Variants in TNFRSF1B observed in about 807,000 individuals in gnomAD.
TNFRSF1B encodes the protein tumor necrosis factor receptor superfamily member 1B.
TNFRSF1B carries 19 observed loss-of-function variants against 44.6 expected under a neutral mutation model. The ratio of observed to expected loss-of-function variants is 0.43; its 90% CI spans 0.30 to 0.62. The LOEUF is 0.62. Ranked by LOEUF, TNFRSF1B falls within the 20% of genes least tolerant of loss-of-function variation. TNFRSF1B has a pLI of 0.16. For missense variants in TNFRSF1B, 541 were observed against 619.9 expected (o/e 0.87, Z 1.35); for synonymous variants, 252 against 261.1 (o/e 0.97, Z 0.34).
At chr1:12,195,689 T>C (rs966780446) in intron 8 of TNFRSF1B, among the ~76,000 whole-genome samples, 2 of 152,032 alleles carry the variant, frequency 1.3e-5, no homozygotes, top group Non-Finnish European at 2.9e-5. Context: ...CCAGCCTCTA[T>C]GGAGGAGGAG....
At chr1:12,173,830 CT>C (rs1295701224) in intron 1 of TNFRSF1B, among the ~76,000 whole-genome samples, 1 of 152,224 alleles carries the variant, frequency 6.6e-6, no homozygotes, top group Non-Finnish European at 1.5e-5. Context: ...ACCCACCTCT[CT>C]GGGACCCACA....
intron 8 of TNFRSF1B, among the ~76,000 whole-genome samples, 161 bp downstream of exon 8, chr1:12,194,779 C>G (rs922942677): frequency 6.6e-6 from 1 of 152,208 alleles, no homozygotes; most frequent in Non-Finnish European, 1.5e-5. Context: ...TCAGGCAGCC[C>G]TCCATGGGCT....
intron 5 of TNFRSF1B, 94 bp from the exon 6 acceptor site, chr1:12,192,769 C>T (rs1041528790): frequency 9.7e-6 from 11 of 1,139,422 alleles, no homozygotes; most frequent in Non-Finnish European, 3.8e-6. Context: ...CATCGTCACT[C>T]TCCTATCCTG....
intron 1 of TNFRSF1B, 22 bp downstream of exon 1, chr1:12,167,191 CG>C (rs1282134284): frequency 1.4e-5 from 18 of 1,253,016 alleles, no homozygotes; most frequent in South Asian, 2.9e-5. Flanking sequence ...GCGCGGCCCA[CG>C]GGGGACAGCC....
At chr1:12,204,812 C>CA (rs201409268) in intron 9 of TNFRSF1B, among the ~76,000 whole-genome samples, 3,016 of 151,514 alleles carry the variant, frequency 0.02, 39 homozygotes, top group Non-Finnish European at 0.03. Context: ...CCACCACCAC[C>CA]ACCAACAAAA....
intron 1 of TNFRSF1B, among the ~76,000 whole-genome samples, chr1:12,184,495 A>T (rs1638933865): frequency 6.6e-6 from 1 of 152,068 alleles, no homozygotes; most frequent in African/African-American, 2.4e-5. Context: ...GGCTGGAGCC[A>T]CACAGAGCCA....
At chr1:12,196,959 C>CTTT (rs1173257674) in intron 8 of TNFRSF1B, among the ~76,000 whole-genome samples, 1 of 143,124 alleles carries the variant, frequency 7.0e-6, no homozygotes, top group African/African-American at 2.6e-5. Context: ...TTCTTTCTTT[C>CTTT]TTTTTTTTTT....
intron 1 of TNFRSF1B, among the ~76,000 whole-genome samples, chr1:12,174,256 C>CCTTCTCCTT (rs1557623863): frequency 7.3e-6 from 1 of 137,320 alleles, no homozygotes; most frequent in Non-Finnish European, 1.6e-5. Flanking sequence ...TTCTCCTTCT[C>CCTTCTCCTT]CTTCTTCTTC....
chr1:12,198,134 A>C (rs1329247257), intron 8 of TNFRSF1B, among the ~76,000 whole-genome samples: 3 of 151,924 alleles, frequency 2.0e-5, no homozygotes, highest in East Asian at 1.9e-4. Flanking sequence ...AAAAAAAAAA[A>C]AAAAAAACCA....
chr1:12,201,471 T>TAAA (rs79883375), intron 8 of TNFRSF1B, among the ~76,000 whole-genome samples: 66 of 126,662 alleles, frequency 5.2e-4, no homozygotes, highest in Admixed American at 4.8e-4. Flanking sequence ...CTTTATAGAG[T>TAAA]AAAAAAAAAA....
intron 1 of TNFRSF1B, among the ~76,000 whole-genome samples, chr1:12,174,152 CT>C (rs1557623630): frequency 1.5e-4 from 15 of 98,348 alleles, no homozygotes; most frequent in South Asian, 3.3e-4. Flanking sequence ...TCTTCTTCTT[CT>C]TCTTCTTCTT....
At chr1:12,197,215 T>C (rs566387153) in intron 8 of TNFRSF1B, among the ~76,000 whole-genome samples, 1 of 152,310 alleles carries the variant, frequency 6.6e-6, no homozygotes, top group African/African-American at 2.4e-5. Flanking sequence ...CCCAAAGTAC[T>C]GGGATGAGAG....
rs1302261129 is a variant in TNFRSF1B at position 12,187,164 on chromosome 1, TTTTTTCGAGATGGAG to T, written c.79-1627_79-1613del. ...TCTCTTTTCTCCCCTCTTTTTTTTT[TTTTTTCGAGATGGAG>T]TTTTGCTCTGTCAATTAGGCTGGAA... is the stretch of plus-strand genomic sequence containing the variant. On this transcript the variant is annotated intron_variant, in intron 1 of 9. Coordinates refer to ENST00000376259, the MANE Select transcript of TNFRSF1B (RefSeq NM_001066.3). The surrounding 1 kb of genome is among the most constrained non-coding windows in gnomAD (Gnocchi z 5.5). Among the ~76,000 whole-genome samples, 1 of 151,602 alleles carries T rather than the reference TTTTTTCGAGATGGAG, an allele frequency of 6.6e-6. No individual in the cohort carries two copies. Among genetic ancestry groups the T allele is most frequent in the East Asian group, 1.9e-4 (1 of 5,186 alleles).
chr1:12,167,148 G>A lies in TNFRSF1B; in HGVS notation c.57G>A (p.Ala19=), dbSNP rs557129960. 6.5e-5 allele frequency: 86 copies of A among 1,314,596 alleles called. No individual in the cohort carries two copies. The African/African-American group carries it at 1.2e-3, about 18-fold the overall frequency. The allele number at this position is 1,314,596 out of a possible 1,614,324, so 81.4% of individuals were successfully genotyped here. A position where few individuals can be genotyped will look rare whatever the true frequency, so the allele number is the denominator to read the frequency against. Residue 19 remains alanine (A), a synonymous_variant, in exon 1 of 10, where the codon GCG becomes GCA. Coordinates refer to ENST00000376259, the MANE Select transcript of TNFRSF1B (RefSeq NM_001066.3). Reference sequence around the variant, plus strand: ...CCGTCGGACTGGAGCTCTGGGCTGCGGCGCACGCCTTGCCCGCCCAGGTGG... The same window carrying A: ...CCGTCGGACTGGAGCTCTGGGCTGCAGCGCACGCCTTGCCCGCCCAGGTGG... ...ALAVGLELWA[A]AHALPAQVAF...
At chr1:12,201,307 G>T (rs1639386464) in intron 8 of TNFRSF1B, among the ~76,000 whole-genome samples, 1 of 151,510 alleles carries the variant, frequency 6.6e-6, no homozygotes, top group Non-Finnish European at 1.5e-5. Context: ...TTAGTGGCAG[G>T]CTGTACTGGG....
chr1:12,192,228 G>A (rs1183186769), intron 4 of TNFRSF1B: 5 of 710,204 alleles, frequency 7.0e-6, no homozygotes, highest in Non-Finnish European at 1.3e-5. Flanking sequence ...GCCCAATCCC[G>A]TGCATGTGTG....
At chr1:12,191,550 G>A (rs948750871) in intron 3 of TNFRSF1B, among the ~76,000 whole-genome samples, 1 of 148,074 alleles carries the variant, frequency 6.8e-6, no homozygotes, top group East Asian at 2.0e-4. Flanking sequence ...GGGACGAGCA[G>A]GACTGCGGAG....
chr1:12,198,047 G>A (rs548868736), intron 8 of TNFRSF1B, among the ~76,000 whole-genome samples: 19 of 151,618 alleles, frequency 1.3e-4, no homozygotes, highest in African/African-American at 3.4e-4. Context: ...GCGTGAACCC[G>A]GGAGGTGGAG....
intron 1 of TNFRSF1B, among the ~76,000 whole-genome samples, chr1:12,173,589 A>G (rs975537071): frequency 2.0e-5 from 3 of 152,174 alleles, no homozygotes; most frequent in Non-Finnish European, 4.4e-5. Context: ...ACACTGTAGG[A>G]AAGTCCTTAC....
Sources: allele counts gnomAD v4.1 joint callset (sites outside exome capture counted in the v4.1 genomes callset), GRCh38; gene constraint gnomAD v4.1.1; non-coding constraint Gnocchi (gnomAD v3.1); transcripts MANE v1.5; gene names NCBI Gene and HGNC (gene_info 2026-07-23, HGNC 2026-07-21).